The following FHIP1A variants were observed in gnomAD, a reference collection of about 807,000 sequenced individuals.
The protein encoded by FHIP1A is FHF complex subunit HOOK-interacting protein 1A.
A neutral mutation model predicts 88.6 loss-of-function variants in FHIP1A; 61 were observed. That is an observed-to-expected ratio of 0.69 (90% confidence interval 0.56 to 0.85). FHIP1A has a LOEUF of 0.85. FHIP1A is among the 40% of genes least tolerant of loss of function. The pLI is 0.00. For missense variants in FHIP1A, 1,154 were observed against 1,273.5 expected, an observed-to-expected ratio of 0.91 and a Z score of 1.43; for synonymous variants, 478 against 496.0, an observed-to-expected ratio of 0.96 and a Z score of 0.48.
At chr4:151,602,661 A>G (rs1734919855) in intron 7 of FHIP1A, among the ~76,000 whole-genome samples, 1 of 152,164 alleles carries the variant, frequency 6.6e-6, no homozygotes, top group Non-Finnish European at 1.5e-5. Context: ...AAAAGACCCT[A>G]ATGTGATTTG....
At chr4:151,642,694 G>A (rs1172392878) in intron 9 of FHIP1A, among the ~76,000 whole-genome samples, 3 of 152,080 alleles carry the variant, frequency 2.0e-5, no homozygotes, top group African/African-American at 7.2e-5. Flanking sequence ...TTTATGGTCA[G>A]TGTAGCATAG....
At chr4:151,554,482 C>T (rs908398152) in intron 3 of FHIP1A, among the ~76,000 whole-genome samples, 2 of 152,198 alleles carry the variant, frequency 1.3e-5, no homozygotes, top group East Asian at 3.9e-4. Context: ...AACTACATCA[C>T]CATAGGGAGA....
chr4:151,662,482 G>A lies in FHIP1A; in HGVS notation c.2870-19G>A, dbSNP rs1234081510. On this transcript the variant is annotated intron_variant, in intron 13 of 13. Coordinates refer to ENST00000435205, the MANE Select transcript of FHIP1A (RefSeq NM_001109977.3). ...AAGGCTATGGAGGGACACCATGATG[G>A]TTTTCTTTCTGCTTTCAGATCCCAT... The A allele has an allele frequency of 8.0e-6, 12 of 1,508,148 alleles. No individual in the cohort carries two copies. The highest frequency in any genetic ancestry group is 8.9e-6 in the Non-Finnish European group (10 of 1,122,824). 93.4% of individuals were successfully genotyped at this position (1,508,148 alleles called of 1,614,324 possible). A position where few individuals can be genotyped will look rare whatever the true frequency, so the allele number is the denominator to read the frequency against.
At chr4:151,511,585 T>C (rs753862730) in intron 3 of FHIP1A, among the ~76,000 whole-genome samples, 9 of 152,190 alleles carry the variant, frequency 5.9e-5, no homozygotes, top group Non-Finnish European at 1.3e-4. Context: ...CCCACCCTAA[T>C]ACTGCGCTTT....
intron 3 of FHIP1A, among the ~76,000 whole-genome samples, chr4:151,488,326 C>T (rs958097644): frequency 1.3e-5 from 2 of 152,172 alleles, no homozygotes; most frequent in African/African-American, 4.8e-5. Flanking sequence ...TCCCCCCTCA[C>T]TCTCTCTCCA....
intron 1 of FHIP1A, among the ~76,000 whole-genome samples, chr4:151,426,614 A>G (rs1319120112): frequency 1.3e-5 from 2 of 152,224 alleles, no homozygotes; most frequent in Non-Finnish European, 2.9e-5. Flanking sequence ...GTAACTTATC[A>G]TAATATCTTG....
chr4:151,486,713 T>G (rs964145722), intron 3 of FHIP1A, among the ~76,000 whole-genome samples: 1 of 152,186 alleles, frequency 6.6e-6, no homozygotes, highest in African/African-American at 2.4e-5. Context: ...ATGTCTGTAA[T>G]CCCAGCACTT....
At chr4:151,646,253 G>A (rs1736786779) in intron 9 of FHIP1A, among the ~76,000 whole-genome samples, 1 of 152,238 alleles carries the variant, frequency 6.6e-6, no homozygotes, top group Non-Finnish European at 1.5e-5. Flanking sequence ...AAAGGGGAAA[G>A]CACAGGCCAG....
chr4:151,612,951 C>T (rs994316890), intron 7 of FHIP1A, among the ~76,000 whole-genome samples: 3 of 152,152 alleles, frequency 2.0e-5, no homozygotes, highest in African/African-American at 4.8e-5. Context: ...CCTTACTGAC[C>T]GTGCTTCTTT....
intron 3 of FHIP1A, among the ~76,000 whole-genome samples, chr4:151,489,125 G>A (rs1397363112): frequency 1.3e-5 from 2 of 152,184 alleles, no homozygotes; most frequent in African/African-American, 4.8e-5. Flanking sequence ...GAGAGGAGGA[G>A]AAGTCTGCCT....
chr4:151,645,617 T>C (rs1426264712), intron 9 of FHIP1A, among the ~76,000 whole-genome samples: 1 of 150,944 alleles, frequency 6.6e-6, no homozygotes, highest in African/African-American at 2.4e-5. Context: ...TTGTGATCGT[T>C]CACATAAGGG....
At chr4:151,624,127 A>G (rs997473497) in intron 7 of FHIP1A, among the ~76,000 whole-genome samples, 1 of 152,244 alleles carries the variant, frequency 6.6e-6, no homozygotes, top group Non-Finnish European at 1.5e-5. Flanking sequence ...AGCAGCATCC[A>G]TAGCATTTGA....
At chr4:151,498,690 C>T (rs754226306) in intron 3 of FHIP1A, among the ~76,000 whole-genome samples, 2 of 152,160 alleles carry the variant, frequency 1.3e-5, no homozygotes, top group South Asian at 4.1e-4. Flanking sequence ...TGGTGGGTGC[C>T]TGTAGTCCCA....
At chr4:151,432,927 T>C (rs1733649303) in intron 1 of FHIP1A, among the ~76,000 whole-genome samples, 1 of 152,154 alleles carries the variant, frequency 6.6e-6, no homozygotes, top group Non-Finnish European at 1.5e-5. Flanking sequence ...AGAAAGTGCT[T>C]CCTGGGTGAG....
intron 4 of FHIP1A, among the ~76,000 whole-genome samples, chr4:151,574,181 G>C (rs1324175844): frequency 6.6e-6 from 1 of 152,218 alleles, no homozygotes; most frequent in African/African-American, 2.4e-5. Context: ...TGTGTTCCAT[G>C]ACTCACATAC....
chr4:151,633,094 T>G (rs1736217346), intron 8 of FHIP1A, among the ~76,000 whole-genome samples: 1 of 151,530 alleles, frequency 6.6e-6, no homozygotes, highest in South Asian at 2.1e-4. Flanking sequence ...AAAAGAGAGA[T>G]GACTCAAATA....
intron 13 of FHIP1A, 81 bp from the exon 14 acceptor site, chr4:151,662,420 C>T: frequency 7.1e-7 from 1 of 1,405,132 alleles, no homozygotes; most frequent in East Asian, 2.5e-5. Context: ...AGCAACTCTG[C>T]CCCCAAACAC....
chr4:151,460,235 T>G (rs1185303705), intron 2 of FHIP1A, among the ~76,000 whole-genome samples: 1 of 152,184 alleles, frequency 6.6e-6, no homozygotes, highest in Admixed American at 6.5e-5. Flanking sequence ...GTCTTCCTGT[T>G]ATTAGGTTTA....
chr4:151,511,642 A>C (rs572139746), intron 3 of FHIP1A, among the ~76,000 whole-genome samples: 2 of 152,220 alleles, frequency 1.3e-5, no homozygotes. Flanking sequence ...TATCCCGCAC[A>C]TGGCTCGGAG....
Sources: gnomAD v4.1 joint callset for allele counts (sites outside exome capture counted in the v4.1 genomes callset) on GRCh38, gnomAD v4.1.1 for gene constraint, MANE v1.5 for transcripts, NCBI Gene and HGNC (gene_info 2026-07-23, HGNC 2026-07-21) for gene names.